SLC24A2: variants seen among roughly 807,000 people sequenced by gnomAD.
SLC24A2 encodes solute carrier family 24 member 2, also known as sodium/potassium/calcium exchanger 2.
In SLC24A2, 36 loss-of-function variants were observed where a neutral mutation model predicts 62.0. The ratio of observed to expected loss-of-function variants is 0.58; its 90% CI spans 0.44 to 0.77. The LOEUF (loss-of-function observed/expected upper bound fraction) is 0.77, where lower values mean the gene tolerates loss of function less well. Among genes scored for constraint, SLC24A2 ranks in the 30% least tolerant of loss-of-function variants. The pLI is 0.00. For synonymous variants in SLC24A2, 358 were observed against 294.0 expected (o/e 1.22, Z -2.23); for missense variants, 846 against 817.9 (o/e 1.03, Z -0.42).
the SLC24A2 span, among the ~76,000 whole-genome samples, chr9:20,038,628 C>CAAAAAAAAAAAA: frequency 1.9e-4 from 6 of 32,378 alleles, no homozygotes; most frequent in African/African-American, 1.2e-4. Context: ...GTAAAAGAAA[C>CAAAAAAAAAAAA]AAACAAAAAA....
At chr9:19,757,197 C>T (rs780649431) in intron 2 of SLC24A2, among the ~76,000 whole-genome samples, 6 of 152,026 alleles carry the variant, frequency 3.9e-5, no homozygotes, top group Non-Finnish European at 5.9e-5. Context: ...TCCTTGAAGG[C>T]AAGACTGCGT....
intron 2 of SLC24A2, among the ~76,000 whole-genome samples, chr9:19,700,864 C>T (rs1463916644): frequency 6.6e-6 from 1 of 152,118 alleles, no homozygotes; most frequent in South Asian, 2.1e-4. Flanking sequence ...TTCTCACTTC[C>T]TCATGGTGTT....
At chr9:19,687,021 C>T (rs966806467) in intron 2 of SLC24A2, among the ~76,000 whole-genome samples, 15 of 152,026 alleles carry the variant, frequency 9.9e-5, no homozygotes, top group Non-Finnish European at 1.9e-4. Flanking sequence ...CCTATGTGAA[C>T]ACGGGAACAG....
chr9:19,766,742 G>A (rs1454450411), intron 2 of SLC24A2, among the ~76,000 whole-genome samples: 3 of 152,226 alleles, frequency 2.0e-5, no homozygotes, highest in Non-Finnish European at 4.4e-5. Flanking sequence ...CCTGCTGGGA[G>A]CTGTCTCCCC....
chr9:19,705,501 A>C (rs550712871), intron 2 of SLC24A2: 1 of 221,456 alleles, frequency 4.5e-6, no homozygotes, highest in East Asian at 1.1e-4. Flanking sequence ...TCCAGGAAGA[A>C]GCACAGAAAA....
At chr9:20,013,391 C>A in the SLC24A2 span, among the ~76,000 whole-genome samples, 2 of 152,120 alleles carry the variant, frequency 1.3e-5, no homozygotes, top group African/African-American at 4.8e-5. Flanking sequence ...TTATAGCCTA[C>A]ACTATACACA....
chr9:19,999,634 T>C, the SLC24A2 span, among the ~76,000 whole-genome samples: 2 of 152,190 alleles, frequency 1.3e-5, no homozygotes, highest in East Asian at 3.8e-4. Flanking sequence ...GTGGTCTAAA[T>C]AGATTTGTGT....
chr9:20,207,776 A>T, the SLC24A2 span, among the ~76,000 whole-genome samples: 7 of 152,194 alleles, frequency 4.6e-5, no homozygotes, highest in Non-Finnish European at 8.8e-5. Flanking sequence ...TAGCCACTAC[A>T]ATGGGCACTG....
chr9:19,814,840 G>C, the SLC24A2 span, among the ~76,000 whole-genome samples: 2 of 152,126 alleles, frequency 1.3e-5, no homozygotes, highest in Admixed American at 6.5e-5. Context: ...AAAGAATCTT[G>C]AAAATGATGT....
chr9:20,012,861 T>C, the SLC24A2 span, among the ~76,000 whole-genome samples: 1 of 152,088 alleles, frequency 6.6e-6, no homozygotes, highest in Admixed American at 6.6e-5. Context: ...AAAAGACTTG[T>C]ATGTTGAAAA....
intron 2 of SLC24A2, among the ~76,000 whole-genome samples, chr9:19,667,927 T>A (rs1819303709): frequency 1.3e-5 from 2 of 152,200 alleles, no homozygotes; most frequent in African/African-American, 4.8e-5. Context: ...CTTCTGGGAC[T>A]TTTCCTTCTC....
chr9:19,792,478 G>A (rs1823329867), upstream of SLC24A2, among the ~76,000 whole-genome samples: 1 of 148,528 alleles, frequency 6.7e-6, no homozygotes, highest in Admixed American at 6.8e-5. Context: ...ATCACCTGAG[G>A]TCAGGAGTTT....
intron 7 of SLC24A2, among the ~76,000 whole-genome samples, chr9:19,553,083 G>A (rs747916087): frequency 2.6e-4 from 40 of 152,140 alleles, no homozygotes; most frequent in Admixed American, 1.2e-3. Context: ...AGAATCCTGG[G>A]GTGGATTTGA....
At chr9:19,625,850 C>T (rs1452341657) in intron 2 of SLC24A2, among the ~76,000 whole-genome samples, 1 of 151,930 alleles carries the variant, frequency 6.6e-6, no homozygotes, top group African/African-American at 2.4e-5. Flanking sequence ...CCACGCCCAG[C>T]TAATTTTTGT....
At chr9:20,275,397 T>C in the SLC24A2 span, among the ~76,000 whole-genome samples, 16 of 152,206 alleles carry the variant, frequency 1.1e-4, no homozygotes, top group Admixed American at 9.8e-4. Flanking sequence ...TTCTATTTTT[T>C]TGTGAAAATG....
At chr9:19,996,770 A>G in the SLC24A2 span, among the ~76,000 whole-genome samples, 1 of 148,252 alleles carries the variant, frequency 6.7e-6, no homozygotes, top group African/African-American at 2.5e-5. Flanking sequence ...AAAAAAAAGG[A>G]GATCCATCAT....
intron 2 of SLC24A2, among the ~76,000 whole-genome samples, chr9:19,694,155 T>A (rs1296569948): frequency 2.0e-5 from 3 of 152,088 alleles, no homozygotes; most frequent in Admixed American, 2.0e-4. Flanking sequence ...TTTTAAAGAT[T>A]AGGAAAATAA....
At chr9:19,736,201 G>A (rs534806038) in intron 2 of SLC24A2, among the ~76,000 whole-genome samples, 1 of 151,826 alleles carries the variant, frequency 6.6e-6, no homozygotes, top group African/African-American at 2.4e-5. Context: ...AAATAGGGAT[G>A]GGAAACAAAA....
At chr9:19,891,222 C>A in the SLC24A2 span, among the ~76,000 whole-genome samples, 4 of 152,276 alleles carry the variant, frequency 2.6e-5, no homozygotes, top group Non-Finnish European at 5.9e-5. Flanking sequence ...CCTGTTCACA[C>A]CAGCCTCTGC....
Sources: gnomAD v4.1 joint callset for allele counts (sites outside exome capture counted in the v4.1 genomes callset) on GRCh38, gnomAD v4.1.1 for gene constraint, MANE v1.5 for transcripts, NCBI Gene and HGNC (gene_info 2026-07-23, HGNC 2026-07-21) for gene names.